Variants in TMEM123 observed in about 807,000 individuals in gnomAD.
TMEM123 encodes transmembrane protein 123, also known as porimin.
A neutral mutation model predicts 19.7 loss-of-function variants in TMEM123; 16 were observed. The observed-to-expected ratio is 0.81, with a 90% CI of 0.55 to 1.23. The LOEUF is 1.23. Ranked by LOEUF, TMEM123 falls within the 50% of genes most tolerant of loss-of-function variation. TMEM123 has a pLI of 0.00. For missense variants in TMEM123, 313 were observed against 257.8 expected, an observed-to-expected ratio of 1.21 and a Z score of -1.47; for synonymous variants, 118 against 99.4, an observed-to-expected ratio of 1.19 and a Z score of -1.12.
chr11:102,420,616 T>C (rs993734039), intron 2 of TMEM123, among the ~76,000 whole-genome samples: 1 of 152,198 alleles, frequency 6.6e-6, no homozygotes, highest in African/African-American at 2.4e-5. Context: ...TTAGACTTCC[T>C]CAGGTTGGCT....
intron 2 of TMEM123, among the ~76,000 whole-genome samples, chr11:102,403,980 A>G (rs1442371820): frequency 6.6e-6 from 1 of 152,226 alleles, no homozygotes; most frequent in Non-Finnish European, 1.5e-5. Context: ...CCCAGCCTGC[A>G]GAACCTTGAG....
intron 2 of TMEM123, among the ~76,000 whole-genome samples, chr11:102,437,253 C>T (rs962343460): frequency 1.3e-5 from 2 of 152,090 alleles, no homozygotes; most frequent in Non-Finnish European, 2.9e-5. Flanking sequence ...CCAGAATTTA[C>T]ATGACAGGCT....
In TMEM123 at chr11:102,397,859, C is replaced by G. The variant is rs181806920; in HGVS notation, c.*1008G>C. 10 of 152,264 alleles carry G rather than the reference C, an allele frequency of 6.6e-5. No homozygotes were observed. In the East Asian group the frequency reaches 1.7e-3, roughly 26 times the overall value. 9.4% of individuals were successfully genotyped at this position (152,264 alleles called of 1,614,324 possible). ...ACAGCATTACGCTATAGTTTTGACT[C>G]TATAGAATTCTAAATGTTCTTTTGA... On this transcript the variant is annotated 3_prime_UTR_variant, in exon 5 of 5. Transcript: ENST00000398136.
rs1334308265 is a variant in TMEM123, at chr11:102,435,162, A to G, written c.157+13650T>C. ...TGAGACCAGCTTGGGCGACAAAGCAAGATTCCATCTCTATAAAAATAAATA... is the reference window on the plus strand; with the variant it reads ...TGAGACCAGCTTGGGCGACAAAGCAGGATTCCATCTCTATAAAAATAAATA... On this transcript the variant is annotated intron_variant, in intron 2 of 4. Transcript: ENST00000398136. Among the ~76,000 whole-genome samples, 14 of 151,980 alleles carry G rather than the reference A, an allele frequency of 9.2e-5. 1 individual carries two copies. The highest frequency in any genetic ancestry group is 9.2e-4 in the Admixed American group (14 of 15,244).
chr11:102,443,061 G>GGAA (rs1180891675), intron 2 of TMEM123, among the ~76,000 whole-genome samples: 1 of 152,190 alleles, frequency 6.6e-6, no homozygotes, highest in Non-Finnish European at 1.5e-5. Context: ...ACAAACAAAT[G>GGAA]GAAGAACATT....
Position 102,439,265 on chromosome 11 carries a change from T to C in TMEM123, c.157+9547A>G, listed in dbSNP as rs947721028. ...AGCAGTGGTTCTCCCAGCACAGAGT[T>C]TGAGATCTGAGAACGGACAGACTGC... On this transcript the variant is annotated intron_variant, in intron 2 of 4. Coordinates refer to ENST00000398136, the MANE Select transcript of TMEM123 (RefSeq NM_052932.3). Among the ~76,000 whole-genome samples the C allele has an allele frequency of 3.3e-5, 5 of 151,844 alleles. No individual in the cohort carries two copies. In the East Asian group the frequency reaches 5.8e-4, roughly 18 times the overall value.
chr11:102,448,573 A>C (rs1054383206), intron 2 of TMEM123, among the ~76,000 whole-genome samples: 3 of 152,200 alleles, frequency 2.0e-5, no homozygotes, highest in African/African-American at 4.8e-5. Flanking sequence ...TGAAATTCCG[A>C]TACACTTTTT....
chr11:102,400,269 G>A (rs939934972), intron 4 of TMEM123, among the ~76,000 whole-genome samples: 7 of 152,342 alleles, frequency 4.6e-5, no homozygotes, highest in Middle Eastern at 3.4e-3. Flanking sequence ...TCCCATTGAA[G>A]AGGGGCAGGG....
At chr11:102,409,686 C>T (rs1035737676) in intron 2 of TMEM123, among the ~76,000 whole-genome samples, 30 of 152,152 alleles carry the variant, frequency 2.0e-4, no homozygotes, top group Admixed American at 3.9e-4. Flanking sequence ...CCAGCCTGGC[C>T]AACATGGTGA....
chr11:102,405,073 G>A (rs1380964384), intron 2 of TMEM123, among the ~76,000 whole-genome samples: 2 of 149,348 alleles, frequency 1.3e-5, no homozygotes, highest in African/African-American at 4.9e-5. Flanking sequence ...TTTTGAGACA[G>A]AGTCTTGCTC....
chr11:102,443,825 T>C (rs1218135829), intron 2 of TMEM123, among the ~76,000 whole-genome samples: 2 of 152,056 alleles, frequency 1.3e-5, no homozygotes, highest in Non-Finnish European at 2.9e-5. Context: ...ATCCAGAACC[T>C]ACAAAGAACT....
chr11:102,446,821 A>G (rs552896949), intron 2 of TMEM123, among the ~76,000 whole-genome samples: 72 of 152,342 alleles, frequency 4.7e-4, no homozygotes, highest in Non-Finnish European at 9.3e-4. Context: ...CCAACAGTAC[A>G]TTCCTGGAAT....
Position 102,434,038 on chromosome 11 carries a change from T to C in TMEM123, c.157+14774A>G, listed in dbSNP as rs1045509609. Among the ~76,000 whole-genome samples, 9 of 151,986 alleles carry C rather than the reference T, an allele frequency of 5.9e-5. 1 individual carries two copies. Among genetic ancestry groups the C allele is most frequent in the Admixed American group, 5.3e-4 (8 of 15,238 alleles). ...AAATACACTTGGCTATTGTGAATAG[T>C]GCTGTAATGAACATGGGAGTGCAGG... On this transcript the variant is annotated intron_variant, in intron 2 of 4. Transcript: ENST00000398136.
intron 2 of TMEM123, among the ~76,000 whole-genome samples, chr11:102,410,489 C>A (rs919670123): frequency 3.3e-5 from 5 of 149,608 alleles, no homozygotes; most frequent in Admixed American, 1.3e-4. Context: ...CAGACTCAAT[C>A]CACAATAACC....
At chr11:102,442,977 T>C (rs1417958059) in intron 2 of TMEM123, among the ~76,000 whole-genome samples, 1 of 152,076 alleles carries the variant, frequency 6.6e-6, no homozygotes, top group Non-Finnish European at 1.5e-5. Context: ...TACCTAGGAA[T>C]CCAACTTACA....
In TMEM123 at chr11:102,452,629, C is replaced by G; in HGVS notation, c.-6G>C. The G allele has an allele frequency of 6.5e-7, 1 of 1,528,796 alleles. No individual in the cohort carries two copies. The highest frequency in any genetic ancestry group is 8.8e-7 in the Non-Finnish European group (1 of 1,138,504). 94.7% of individuals were successfully genotyped at this position (1,528,796 alleles called of 1,614,324 possible). A position where few individuals can be genotyped will look rare whatever the true frequency, so the allele number is the denominator to read the frequency against. ...CCTCGCGCGCCGAGTCCCATTGTTC[C>G]GAGGGCAGGATGCGGCAGCCTCGTG... On this transcript the variant is annotated 5_prime_UTR_variant, in exon 1 of 5. Transcript: ENST00000398136.
intron 2 of TMEM123, among the ~76,000 whole-genome samples, chr11:102,443,515 C>A (rs903440381): frequency 5.3e-5 from 8 of 151,838 alleles, no homozygotes; most frequent in Non-Finnish European, 1.0e-4. Flanking sequence ...GAAACCGGAT[C>A]CCTTCCTTAT....
chr11:102,447,640 G>A (rs1591569146), intron 2 of TMEM123, among the ~76,000 whole-genome samples: 1 of 152,182 alleles, frequency 6.6e-6, no homozygotes, highest in East Asian at 1.9e-4. Context: ...ATCTAATAGT[G>A]TAATAAAATA....
chr11:102,405,835 A>ATGTCAATTTCTT (rs1951951397), intron 2 of TMEM123, among the ~76,000 whole-genome samples: 1 of 152,048 alleles, frequency 6.6e-6, no homozygotes. Flanking sequence ...GTCAATTTCT[A>ATGTCAATTTCTT]TGTCAATTTC....
Sources: gnomAD v4.1 joint callset for allele counts (sites outside exome capture counted in the v4.1 genomes callset) on GRCh38, gnomAD v4.1.1 for gene constraint, MANE v1.5 for transcripts, NCBI Gene and HGNC (gene_info 2026-07-23, HGNC 2026-07-21) for gene names.